The following FBXL3 variants were observed in gnomAD, a reference collection of about 807,000 sequenced individuals.
FBXL3 encodes F-box and leucine rich repeat protein 3.
Under a neutral mutation model 37.9 loss-of-function variants are expected in FBXL3, and 14 were observed. The observed-to-expected ratio is 0.37, with a 90% CI of 0.24 to 0.58. The LOEUF is 0.58. Ranked by LOEUF, FBXL3 falls within the 20% of genes least tolerant of loss-of-function variation. The pLI is 0.74. For synonymous variants in FBXL3, 194 were observed against 180.1 expected, an observed-to-expected ratio of 1.08 and a Z score of -0.62; for missense variants, 327 against 511.1, an observed-to-expected ratio of 0.64 and a Z score of 3.47.
At chr13:77,022,028 A>G (rs2034753704) in intron 1 of FBXL3, among the ~76,000 whole-genome samples, 167 bp from the exon 2 acceptor site, 1 of 152,244 alleles carries the variant, frequency 6.6e-6, no homozygotes, top group Non-Finnish European at 1.5e-5. Flanking sequence ...AAAAATGCCA[A>G]TGAAGGCCAA....
In FBXL3 at chr13:77,021,670, C is replaced by T. The variant is rs753990250; in HGVS notation, c.191G>A (p.Arg64His). ...CATGTGAAATACCTGGTTCCAGTTG[C>T]GGCAAACTTGTGAAGCATGAGCCCG... The part of the protein sequence containing the change: ...LDRAHASQVC[R>H]NWNQVFHMPD... Residue 64 changes from arginine to histidine, a missense_variant, in exon 2 of 5, where the codon CGC becomes CAC. Transcript: ENST00000355619. 8.7e-6 allele frequency: 14 copies of T among 1,614,002 alleles called. No homozygotes were observed. The highest frequency in any genetic ancestry group is 1.1e-5 in the Non-Finnish European group (13 of 1,180,010).
rs1044626323 is a variant in FBXL3 at position 77,006,947 on chromosome 13, A to C, written c.*198T>G. The C allele has an allele frequency of 3.6e-6, 5 of 1,400,984 alleles. No homozygotes were observed. The African/African-American group carries it at 7.2e-5, about 20-fold the overall frequency. 86.8% of individuals were successfully genotyped at this position (1,400,984 alleles called of 1,614,324 possible). ...AAAAAAATTCGGAGATATGACTGCT[A>C]TTACACTAAGGAAACAAGTGGAATT... On this transcript the variant is annotated 3_prime_UTR_variant, in exon 5 of 5. Coordinates refer to ENST00000355619, the MANE Select transcript of FBXL3 (RefSeq NM_012158.4).
At chr13:77,023,687 A>C (rs1046640043) in intron 1 of FBXL3, among the ~76,000 whole-genome samples, 4 of 152,190 alleles carry the variant, frequency 2.6e-5, no homozygotes, top group African/African-American at 7.2e-5. Context: ...GTTTCGACCT[A>C]AACTTGGGGT....
chr13:77,015,361 A>G (rs2034624782), intron 4 of FBXL3, 48 bp downstream of exon 4: 1 of 1,359,694 alleles, frequency 7.4e-7, no homozygotes, highest in Admixed American at 2.6e-5. Flanking sequence ...TAATTTGAAC[A>G]TAGCAATGCA....
intron 3 of FBXL3, 40 bp downstream of exon 3, chr13:77,018,560 A>G: frequency 6.8e-7 from 1 of 1,477,904 alleles, no homozygotes; most frequent in Non-Finnish European, 9.0e-7. Context: ...CTTTCACTGA[A>G]TTTCTCAGTA....
intron 3 of FBXL3, chr13:77,016,105 C>A (rs990793256): frequency 6.6e-6 from 1 of 152,014 alleles, no homozygotes; most frequent in Non-Finnish European, 1.5e-5. Context: ...ACTTAAAATT[C>A]CAAGTTTAAA....
At chr13:77,024,285 TAAA>T (rs1261934975) in intron 1 of FBXL3, among the ~76,000 whole-genome samples, 1 of 152,192 alleles carries the variant, frequency 6.6e-6, no homozygotes, top group Non-Finnish European at 1.5e-5. Flanking sequence ...TTTTAGTATA[TAAA>T]ATTTGGGTCA....
At chr13:77,024,343 A>T (rs1566233567) in intron 1 of FBXL3, among the ~76,000 whole-genome samples, 1 of 152,178 alleles carries the variant, frequency 6.6e-6, no homozygotes, top group Non-Finnish European at 1.5e-5. Flanking sequence ...TTCTCTTCTG[A>T]CCACCTAAAA....
chr13:77,011,943 GAAATT>G (rs1195324821), intron 4 of FBXL3, among the ~76,000 whole-genome samples: 1 of 152,156 alleles, frequency 6.6e-6, no homozygotes, highest in Admixed American at 6.5e-5. Flanking sequence ...GTACCTAAGA[GAAATT>G]AAACCATATG....
Position 77,005,630 on chromosome 13 carries a change from C to G in FBXL3, c.*1515G>C, listed in dbSNP as rs1034734823. On this transcript the variant is annotated 3_prime_UTR_variant, in exon 5 of 5. Coordinates refer to ENST00000355619, the MANE Select transcript of FBXL3 (RefSeq NM_012158.4). ...ATGTTGCTGTAGGAGAGCATATCAT[C>G]ACTTTTGGAAAGCAAAAATTATGTA... The G allele has an allele frequency of 6.6e-6, 1 of 152,076 alleles. No individual in the cohort carries two copies. Among genetic ancestry groups the G allele is most frequent in the African/African-American group, 2.4e-5 (1 of 41,430 alleles). The allele number at this position is 152,076 out of a possible 1,614,324, so 9.4% of individuals were successfully genotyped here.
At chr13:77,011,391 CCAAAGAAGATATA>C (rs1056076660) in intron 4 of FBXL3, among the ~76,000 whole-genome samples, 16 of 149,862 alleles carry the variant, frequency 1.1e-4, no homozygotes, top group African/African-American at 4.0e-4. Flanking sequence ...AGACATTTCT[CCAAAGAAGATATA>C]CAAATGGCCA....
intron 1 of FBXL3, among the ~76,000 whole-genome samples, chr13:77,025,372 G>T (rs997732476): frequency 6.6e-6 from 1 of 152,134 alleles, no homozygotes; most frequent in African/African-American, 2.4e-5. Context: ...AAACTACTGA[G>T]GAAAGACCAC....
chr13:77,015,263 T>C, intron 4 of FBXL3, 146 bp downstream of exon 4: 1 of 489,040 alleles, frequency 2.0e-6, no homozygotes, highest in Non-Finnish European at 3.4e-6. Context: ...ACAGAACTTA[T>C]GCTATTCTAT....
intron 1 of FBXL3, chr13:77,026,144 C>A (rs1216151398): frequency 1.0e-6 from 1 of 983,298 alleles, no homozygotes; most frequent in East Asian, 1.1e-4. Flanking sequence ...TCATTAGCAA[C>A]GACAAAATAA....
rs532486900 is a variant in FBXL3, at chr13:77,021,693, C to T, written c.168G>A (p.Arg56=). Reference sequence around the variant, plus strand: ...TGCGGCAAACTTGTGAAGCATGAGCCCGGTCAAGAAGAGGCAAATATTTAA... The same window carrying T: ...TGCGGCAAACTTGTGAAGCATGAGCTCGGTCAAGAAGAGGCAAATATTTAA... ...QVFKYLPLLD[R]AHASQVCRNW... Residue 56 remains arginine (R), a synonymous_variant, in exon 2 of 5, where the codon CGG becomes CGA. Transcript: ENST00000355619. 2 of 1,613,958 alleles carry T rather than the reference C, an allele frequency of 1.2e-6. No homozygotes were observed. The highest frequency in any genetic ancestry group is 8.5e-7 in the Non-Finnish European group (1 of 1,180,008).
At chr13:77,015,137 C>G (rs1000968825) in intron 4 of FBXL3, 4 of 229,216 alleles carry the variant, frequency 1.7e-5, no homozygotes, top group African/African-American at 9.1e-5. Context: ...TCAGGCTGAC[C>G]TCATACTGTC....
chr13:77,021,564 G>C lies in FBXL3; in HGVS notation c.297C>G (p.Ile99Met), dbSNP rs776419080. The C allele has an allele frequency of 1.3e-5, 21 of 1,613,912 alleles. No individual in the cohort carries two copies. The highest frequency in any genetic ancestry group is 5.9e-6 in the Non-Finnish European group (7 of 1,180,002). ...TTGAATGTCTTTTAATAATCTGTTT[G>C]ATCAGCTCTGGATGGGTAGCTTTCA... is the stretch of plus-strand genomic sequence containing the variant. ...SYLKATHPEL[I>M]KQIIKRHSNH... is the part of the protein sequence containing the mutation. Residue 99 changes from isoleucine to methionine, a missense_variant, in exon 2 of 5, where the codon ATC becomes ATG. Transcript: ENST00000355619.
chr13:77,026,370 C>G (rs1037514137), intron 1 of FBXL3: 52 of 985,264 alleles, frequency 5.3e-5, no homozygotes, highest in Non-Finnish European at 6.1e-5. Flanking sequence ...CCTGACATTT[C>G]TCATGCGCCC....
intron 2 of FBXL3, chr13:77,019,136 G>A (rs1300976707): frequency 6.5e-6 from 1 of 153,248 alleles, no homozygotes; most frequent in African/African-American, 2.4e-5. Context: ...TGTAAATACA[G>A]TGTCTATGGT....
Sources: allele counts gnomAD v4.1 joint callset (sites outside exome capture counted in the v4.1 genomes callset), GRCh38; gene constraint gnomAD v4.1.1; transcripts MANE v1.5; gene names NCBI Gene and HGNC (gene_info 2026-07-23, HGNC 2026-07-21).